The following ZBTB45 variants were observed in gnomAD, a reference collection of about 807,000 sequenced individuals.
The protein encoded by ZBTB45 is zinc finger and BTB domain containing 45, also known as zinc finger and BTB domain-containing protein 45.
A neutral mutation model predicts 28.4 loss-of-function variants in ZBTB45; 22 were observed. That is an observed-to-expected ratio of 0.77 (90% confidence interval 0.55 to 1.10). The LOEUF is 1.10. Ranked by LOEUF, ZBTB45 falls within the 50% of genes least tolerant of loss-of-function variation. ZBTB45 has a pLI of 0.00. For missense variants in ZBTB45, 656 were observed against 750.2 expected (o/e 0.87, Z 1.47); for synonymous variants, 361 against 332.3 (o/e 1.09, Z -0.94).
chr19:58,534,016 C>T (rs1227310015), intron 1 of ZBTB45, among the ~76,000 whole-genome samples: 1 of 152,188 alleles, frequency 6.6e-6, no homozygotes, highest in Non-Finnish European at 1.5e-5. Context: ...TATGGGTAGG[C>T]AAAGCTTGTC....
chr19:58,533,452 A>G (rs1474601423), intron 1 of ZBTB45, among the ~76,000 whole-genome samples: 1 of 152,218 alleles, frequency 6.6e-6, no homozygotes, highest in African/African-American at 2.4e-5. Context: ...TGAAGCTGTC[A>G]GCCTTCAAGA....
chr19:58,530,356 G>A (rs7253433), intron 1 of ZBTB45, among the ~76,000 whole-genome samples: 56,693 of 151,882 alleles, frequency 0.37, 10,862 homozygotes, highest in African/African-American at 0.45. Context: ...TGCTCAGGCT[G>A]GAGTGCAATG....
intron 1 of ZBTB45, among the ~76,000 whole-genome samples, chr19:58,533,131 C>T (rs147569099): frequency 7.9e-5 from 12 of 152,260 alleles, no homozygotes; most frequent in East Asian, 7.7e-4. Flanking sequence ...CCACCACGTC[C>T]GGCCTAATTT....
Position 58,516,604 on chromosome 19 carries a change from G to A in ZBTB45, c.1070C>T (p.Pro357Leu). 1 of 1,561,100 alleles carries A rather than the reference G, an allele frequency of 6.4e-7. No individual in the cohort carries two copies. Among genetic ancestry groups the A allele is most frequent in the Non-Finnish European group, 8.7e-7 (1 of 1,154,088 alleles). The change falls in exon 2 of 3, where the codon CCA becomes CTA. Residue 357 changes from proline to leucine, a missense_variant. Physicochemically the swap from Pro to Leu is moderately conservative, Grantham distance 98. This residue lies in a region of ZBTB45 where 448 missense variants were observed against 444.3 expected (regional missense o/e 1.01). Coordinates refer to ENST00000594051, the MANE Select transcript of ZBTB45 (RefSeq NM_001316979.2). This position sits in a 1 kb window ranked among gnomAD's most constrained non-coding sequence, Gnocchi z 6.2. ...SAPSGPAPAP[P>L]PAFYPTLQPE... is the part of the protein sequence containing the mutation. ...CTGGAGTGTGGGGTAGAAGGCGGGT[G>A]GGGGCGCAGGGGCTGGCCCCGATGG...
At chr19:58,531,038 C>T (rs1430306782) in intron 1 of ZBTB45, among the ~76,000 whole-genome samples, 1 of 152,148 alleles carries the variant, frequency 6.6e-6, no homozygotes, top group East Asian at 1.9e-4. Flanking sequence ...ATTGCTGGAT[C>T]GTGTTTAACT....
intron 1 of ZBTB45, among the ~76,000 whole-genome samples, chr19:58,535,937 C>T (rs1218788051): frequency 6.6e-6 from 1 of 151,882 alleles, no homozygotes; most frequent in Non-Finnish European, 1.5e-5. Context: ...AGAAGAGAGC[C>T]CAGAGAATAA....
upstream of ZBTB45, among the ~76,000 whole-genome samples, chr19:58,524,217 C>G (rs1232382045): frequency 6.6e-6 from 1 of 150,934 alleles, no homozygotes; most frequent in Admixed American, 6.6e-5. Context: ...CAAAAATTAG[C>G]CAGGCGTGGT....
At chr19:58,522,467 C>T (rs751299940), upstream of ZBTB45, among the ~76,000 whole-genome samples, 8 of 151,912 alleles carry the variant, frequency 5.3e-5, no homozygotes, top group Non-Finnish European at 1.2e-4. Flanking sequence ...CGGCCTGTCC[C>T]TACTAAAAAT....
chr19:58,526,582 A>G (rs2053608832), intron 1 of ZBTB45, among the ~76,000 whole-genome samples: 1 of 129,242 alleles, frequency 7.7e-6, no homozygotes, highest in Non-Finnish European at 1.6e-5. Context: ...CCCAGGCTGG[A>G]GTGCAGTGGC....
intron 1 of ZBTB45, among the ~76,000 whole-genome samples, chr19:58,534,802 C>T (rs1188676977): frequency 6.6e-6 from 1 of 151,648 alleles, no homozygotes. Flanking sequence ...GTGATCCGCC[C>T]ACCTCGGCCT....
intron 1 of ZBTB45, among the ~76,000 whole-genome samples, chr19:58,525,665 G>A (rs1047135066): frequency 9.2e-5 from 14 of 152,230 alleles, no homozygotes; most frequent in East Asian, 1.9e-4. Context: ...TACCAGAAAA[G>A]TAACAGCATC....
At chr19:58,520,644 T>C (rs2053569474), upstream of ZBTB45, among the ~76,000 whole-genome samples, 1 of 152,078 alleles carries the variant, frequency 6.6e-6, no homozygotes, top group Admixed American at 6.6e-5. Context: ...GTGGAGAAAC[T>C]TGAAGTAGGA....
intron 1 of ZBTB45, among the ~76,000 whole-genome samples, chr19:58,528,000 C>A (rs1335828672): frequency 6.6e-6 from 1 of 152,138 alleles, no homozygotes; most frequent in East Asian, 1.9e-4. Context: ...TACTCGGAGG[C>A]TGAGACAGGA....
chr19:58,517,657 G>C lies in ZBTB45; in HGVS notation c.17C>G (p.Ala6Gly). The change falls in exon 2 of 3, where the codon GCT becomes GGT. Residue 6 changes from alanine to glycine, a missense_variant. Ala to Gly is a moderately conservative substitution (Grantham distance 60). Transcript: ENST00000594051. MAAAEAVHHIHLQNFS... is the reference protein window; with the variant it reads MAAAEGVHHIHLQNFS... Reference sequence around the variant, plus strand: ...GTTCTGCAGGTGTATGTGATGCACAGCCTCTGCAGCCGCCATCTGCACAGA... The same window carrying C: ...GTTCTGCAGGTGTATGTGATGCACACCCTCTGCAGCCGCCATCTGCACAGA... 1 of 1,613,216 alleles carries C rather than the reference G, an allele frequency of 6.2e-7. No homozygotes were observed. The highest frequency in any genetic ancestry group is 8.5e-7 in the Non-Finnish European group (1 of 1,179,530).
chr19:58,520,486 C>A (rs1362148190), upstream of ZBTB45, among the ~76,000 whole-genome samples: 1 of 152,048 alleles, frequency 6.6e-6, no homozygotes, highest in Non-Finnish European at 1.5e-5. Context: ...ATGATTATCT[C>A]ACCTATGAAT....
intron 1 of ZBTB45, among the ~76,000 whole-genome samples, chr19:58,531,242 T>A (rs1320555152): frequency 1.3e-5 from 2 of 152,230 alleles, no homozygotes; most frequent in African/African-American, 2.4e-5. Flanking sequence ...AACACTGATG[T>A]GGAGCATTTA....
chr19:58,524,379 T>C (rs1041303712), upstream of ZBTB45, among the ~76,000 whole-genome samples: 15 of 146,272 alleles, frequency 1.0e-4, no homozygotes, highest in Non-Finnish European at 2.0e-4. Flanking sequence ...ATAATAATAA[T>C]AATAATAAAA....
upstream of ZBTB45, among the ~76,000 whole-genome samples, chr19:58,523,483 C>A (rs945090833): frequency 2.0e-5 from 3 of 151,572 alleles, no homozygotes; most frequent in African/African-American, 7.3e-5. Flanking sequence ...GAGTTCGAGA[C>A]CAGCCTGGCC....
At chr19:58,522,065 G>A (rs1481454027), upstream of ZBTB45, among the ~76,000 whole-genome samples, 1 of 151,940 alleles carries the variant, frequency 6.6e-6, no homozygotes, top group Non-Finnish European at 1.5e-5. Context: ...GCTCACACCT[G>A]TAATCCCAGC....
Sources: allele counts gnomAD v4.1 joint callset (sites outside exome capture counted in the v4.1 genomes callset), GRCh38; gene constraint gnomAD v4.1.1; regional missense constraint gnomAD v4.1.1; non-coding constraint Gnocchi (gnomAD v3.1); transcripts MANE v1.5; gene names NCBI Gene and HGNC (gene_info 2026-07-23, HGNC 2026-07-21).